The following FBXW7 variants were observed in gnomAD, a reference collection of about 807,000 sequenced individuals.
FBXW7 encodes the protein F-box and WD repeat domain containing 7, also known as F-box/WD repeat-containing protein 7.
Under a neutral mutation model 86.3 loss-of-function variants are expected in FBXW7, and 11 were observed. The observed-to-expected ratio is 0.13, with a 90% CI of 0.08 to 0.21. The LOEUF is 0.21. Ranked by LOEUF, FBXW7 falls within the 10% of genes least tolerant of loss-of-function variation. The pLI is 1.00. For synonymous variants in FBXW7, 313 were observed against 297.9 expected, an observed-to-expected ratio of 1.05 and a Z score of -0.52; for missense variants, 488 against 847.4, an observed-to-expected ratio of 0.58 and a Z score of 5.27.
chr4:152,507,726 G>T (rs1454637355), intron 2 of FBXW7, among the ~76,000 whole-genome samples: 1 of 152,138 alleles, frequency 6.6e-6, no homozygotes, highest in African/African-American at 2.4e-5. Flanking sequence ...AAAAGCACAA[G>T]AAGAGACTAG....
In FBXW7 at chr4:152,325,818, G is replaced by T. The variant is rs114546661; in HGVS notation, c.1644+188C>A. 370 of 525,864 alleles carry T rather than the reference G, an allele frequency of 7.0e-4. 2 individuals are homozygous for T. Among genetic ancestry groups the T allele is most frequent in the African/African-American group, 6.6e-3 (351 of 52,964 alleles). 32.6% of individuals were successfully genotyped at this position (525,864 alleles called of 1,614,324 possible). On this transcript the variant is annotated intron_variant, in intron 12 of 13. Coordinates refer to ENST00000281708, the MANE Select transcript of FBXW7 (RefSeq NM_001349798.2). The stretch of plus-strand genomic sequence containing the variant: ...GAGGAGAAATAGATCACAGAAAATT[G>T]AAAGCATTTAAATAATTTTGAAATT...
At chr4:152,493,619 C>T (rs1456152118) in intron 2 of FBXW7, among the ~76,000 whole-genome samples, 1 of 152,132 alleles carries the variant, frequency 6.6e-6, no homozygotes, top group Non-Finnish European at 1.5e-5. Context: ...AATTCATCTT[C>T]CAGGCCCTAA....
chr4:152,363,570 T>C (rs954064361), intron 4 of FBXW7, among the ~76,000 whole-genome samples: 3 of 152,148 alleles, frequency 2.0e-5, no homozygotes, highest in African/African-American at 7.2e-5. Flanking sequence ...AAACACTAGA[T>C]TTTAAACTGA....
chr4:152,411,220 A>T (rs753921587), intron 4 of FBXW7, 83 bp downstream of exon 4: 42 of 1,439,570 alleles, frequency 2.9e-5, no homozygotes, highest in Non-Finnish European at 3.8e-5. Context: ...TTTTAGTAAT[A>T]CAAAGACTGT....
chr4:152,436,753 T>A (rs576483628), intron 2 of FBXW7, among the ~76,000 whole-genome samples: 82 of 148,228 alleles, frequency 5.5e-4, no homozygotes, highest in African/African-American at 1.9e-3. Flanking sequence ...TTAGGCTAAA[T>A]ATACTCTCCC....
At chr4:152,481,542 A>G (rs914889591) in intron 2 of FBXW7, among the ~76,000 whole-genome samples, 1 of 152,208 alleles carries the variant, frequency 6.6e-6, no homozygotes, top group African/African-American at 2.4e-5. Flanking sequence ...CATAGATAGG[A>G]ATTCCTCTGA....
chr4:152,415,942 T>C (rs941246975), intron 2 of FBXW7, among the ~76,000 whole-genome samples: 6 of 152,132 alleles, frequency 3.9e-5, no homozygotes, highest in Admixed American at 1.3e-4. Context: ...CAGCATCACC[T>C]TCTCTTTTCC....
chr4:152,509,035 A>C (rs1747713194), intron 2 of FBXW7, among the ~76,000 whole-genome samples: 1 of 152,250 alleles, frequency 6.6e-6, no homozygotes, highest in Admixed American at 6.5e-5. Context: ...AATATTCCAC[A>C]AAATTACTGA....
chr4:152,463,723 G>C (rs1056842749), intron 2 of FBXW7, among the ~76,000 whole-genome samples: 6 of 152,152 alleles, frequency 3.9e-5, no homozygotes, highest in Non-Finnish European at 8.8e-5. Context: ...TGGTAAAACA[G>C]GTCACTAAGA....
intron 4 of FBXW7, among the ~76,000 whole-genome samples, chr4:152,361,708 G>T (rs1440364750): frequency 6.6e-6 from 1 of 152,096 alleles, no homozygotes; most frequent in Non-Finnish European, 1.5e-5. Context: ...AGGCATGGTG[G>T]CTCACACCTG....
At chr4:152,405,050 C>T (rs572489482) in intron 4 of FBXW7, among the ~76,000 whole-genome samples, 1 of 147,508 alleles carries the variant, frequency 6.8e-6, no homozygotes, top group South Asian at 2.1e-4. Flanking sequence ...CATGATTATG[C>T]CACTGCACTC....
At chr4:152,328,019 A>G (rs1440685231) in intron 11 of FBXW7, among the ~76,000 whole-genome samples, 189 bp downstream of exon 11, 2 of 152,034 alleles carry the variant, frequency 1.3e-5, no homozygotes, top group Non-Finnish European at 2.9e-5. Flanking sequence ...ATGAGAAAGG[A>G]AATTTACAGA....
chr4:152,399,878 T>G (rs1403080477), intron 4 of FBXW7, among the ~76,000 whole-genome samples: 2 of 152,218 alleles, frequency 1.3e-5, no homozygotes, highest in Non-Finnish European at 2.9e-5. Flanking sequence ...ATGTCAGTCC[T>G]TGCCAATCTC....
intron 2 of FBXW7, among the ~76,000 whole-genome samples, chr4:152,459,971 T>C (rs771823224): frequency 3.3e-5 from 5 of 152,156 alleles, no homozygotes; most frequent in African/African-American, 4.8e-5. Context: ...GATTAGACAC[T>C]GCCAGAGACT....
intron 4 of FBXW7, among the ~76,000 whole-genome samples, chr4:152,357,643 T>C (rs1338805660): frequency 6.6e-6 from 1 of 152,102 alleles, no homozygotes; most frequent in African/African-American, 2.4e-5. Context: ...TCTTGAAGTT[T>C]AAGCTATTTA....
intron 2 of FBXW7, among the ~76,000 whole-genome samples, chr4:152,488,868 G>A (rs923310877): frequency 6.6e-6 from 1 of 151,908 alleles, no homozygotes; most frequent in African/African-American, 2.4e-5. Context: ...CAGTAAGCAA[G>A]GCAAAGAAAA....
At chr4:152,481,896 TG>T (rs1744917445) in intron 2 of FBXW7, among the ~76,000 whole-genome samples, 3 of 152,268 alleles carry the variant, frequency 2.0e-5, no homozygotes, top group Admixed American at 2.0e-4. Flanking sequence ...GTGAAGATGC[TG>T]TGAACATCAT....
At chr4:152,374,227 C>T (rs966824287) in intron 4 of FBXW7, among the ~76,000 whole-genome samples, 1 of 151,986 alleles carries the variant, frequency 6.6e-6, no homozygotes. Context: ...TTTGCTCATA[C>T]CACCACCCTA....
intron 2 of FBXW7, among the ~76,000 whole-genome samples, chr4:152,498,317 TAAG>T (rs1746569489): frequency 6.6e-6 from 1 of 151,948 alleles, no homozygotes; most frequent in Non-Finnish European, 1.5e-5. Context: ...CATAAAACAT[TAAG>T]AAGACAGTAA....
Sources: gnomAD v4.1 joint callset for allele counts (sites outside exome capture counted in the v4.1 genomes callset) on GRCh38, gnomAD v4.1.1 for gene constraint, MANE v1.5 for transcripts, NCBI Gene and HGNC (gene_info 2026-07-23, HGNC 2026-07-21) for gene names.